The following ANKRD13B variants were observed in gnomAD, a reference collection of about 807,000 sequenced individuals.
ANKRD13B encodes ankyrin repeat domain-containing protein 13B.
In ANKRD13B, 33 loss-of-function variants were observed where a neutral mutation model predicts 74.4. The ratio of observed to expected loss-of-function variants is 0.44; its 90% CI spans 0.34 to 0.59. The LOEUF is 0.59. Ranked by LOEUF, ANKRD13B falls within the 20% of genes least tolerant of loss-of-function variation. ANKRD13B has a pLI of 0.02. For missense variants in ANKRD13B, 676 were observed against 877.9 expected (o/e 0.77, Z 2.91); for synonymous variants, 341 against 362.9 (o/e 0.94, Z 0.68).
Position 29,608,106 on chromosome 17 carries a change from G to T in ANKRD13B, c.371G>T (p.Arg124Leu). Residue 124 changes from arginine (R) to leucine (L), a missense_variant, in exon 3 of 15, where the codon CGC (arginine) becomes CTC (leucine). Arg to Leu is a moderately radical substitution (Grantham distance 102, BLOSUM62 -2). Around this residue, in one of 4 missense-constraint regions of ANKRD13B, gnomAD observed 328 missense variants for 518.4 expected, o/e 0.63. Transcript: ENST00000394859. The surrounding 1 kb of genome is among the most constrained non-coding windows in gnomAD (Gnocchi z 6.4). ...AGIPVLLEKL[R>L]KAQDFYVEMK... ...ATCCCCGTGCTCCTGGAGAAGCTGC[G>T]CAAGGTGAGGCCCAGCCTCTCAGCC... 6.2e-7 allele frequency: 1 copy of T among 1,613,110 alleles called. No homozygotes were observed. The highest frequency in any genetic ancestry group is 1.1e-5 in the South Asian group (1 of 91,024).
intron 1 of ANKRD13B, among the ~76,000 whole-genome samples, chr17:29,595,926 A>C (rs1181182233): frequency 2.0e-5 from 3 of 151,894 alleles, no homozygotes; most frequent in African/African-American, 4.8e-5. Flanking sequence ...TACACTGCCT[A>C]CTCCCCAGGG....
Position 29,609,262 on chromosome 17 carries a change from A to G in ANKRD13B, c.742A>G (p.Ile248Val), listed in dbSNP as rs1161803579. The G allele has an allele frequency of 6.2e-7, 1 of 1,612,948 alleles. No homozygotes were observed. The highest frequency in any genetic ancestry group is 1.7e-5 in the Admixed American group (1 of 60,000). ...CACCACTCAGCTTGACACCAAGAAT[A>G]TCTCCTTTGAGAGGTGGGTGGACAT... ...VVTTQLDTKN[I>V]SFERNKTGIL... is the part of the protein sequence containing the mutation. Residue 248 changes from isoleucine to valine, a missense_variant, in exon 6 of 15, where the codon ATC (isoleucine) becomes GTC (valine). By Grantham distance (29) the Ile-to-Val change is conservative. Around this residue, in one of 4 missense-constraint regions of ANKRD13B, gnomAD observed 328 missense variants for 518.4 expected, o/e 0.63. Transcript: ENST00000394859. This position sits in a 1 kb window ranked among gnomAD's most constrained non-coding sequence, Gnocchi z 4.0.
intron 1 of ANKRD13B, among the ~76,000 whole-genome samples, chr17:29,605,415 A>ACACAC (rs1567789763): frequency 6.7e-6 from 1 of 149,512 alleles, no homozygotes. Flanking sequence ...TACACACACA[A>ACACAC]ACACACACAC....
In ANKRD13B at chr17:29,613,530, A is replaced by G. The variant is rs965673973; in HGVS notation, c.1829A>G (p.Gln610Arg). The G allele has an allele frequency of 6.6e-6, 10 of 1,519,132 alleles. No individual in the cohort carries two copies. Among genetic ancestry groups the G allele is most frequent in the African/African-American group, 4.3e-5 (3 of 70,102 alleles). The allele number at this position is 1,519,132 out of a possible 1,614,324, so 94.1% of individuals were successfully genotyped here. The change falls in exon 15 of 15, where the codon CAG becomes CGG. Residue 610 changes from glutamine (Q) to arginine (R), a missense_variant. Coordinates refer to ENST00000394859, the MANE Select transcript of ANKRD13B (RefSeq NM_152345.5). ...EQEERRRRARQEEEELERILR... is the reference protein window; with the variant it reads ...EQEERRRRARREEEELERILR... Reference sequence around the variant, plus strand: ...GAGGAGAGGCGGCGGCGCGCGCGCCAGGAGGAGGAGGAGCTGGAGCGCATC... The same window carrying G: ...GAGGAGAGGCGGCGGCGCGCGCGCCGGGAGGAGGAGGAGCTGGAGCGCATC...
rs2034701300 is a variant in ANKRD13B at position 29,613,779 on chromosome 17, G to A, written c.*197G>A. On this transcript the variant is annotated 3_prime_UTR_variant, in exon 15 of 15. Coordinates refer to ENST00000394859, the MANE Select transcript of ANKRD13B (RefSeq NM_152345.5). The stretch of plus-strand genomic sequence containing the variant: ...GGTACCTTCCCAGGCCAGGGCCCTG[G>A]AGGCAACTGGCACGGCCTGGTCCCC... 1.2e-6 allele frequency: 1 copy of A among 832,452 alleles called. No individual in the cohort carries two copies. The highest frequency in any genetic ancestry group is 1.7e-6 in the Non-Finnish European group (1 of 581,040). 51.6% of individuals were successfully genotyped at this position (832,452 alleles called of 1,614,324 possible).
In ANKRD13B at chr17:29,612,342, G is replaced by GGGCTGA; in HGVS notation, c.1259-51_1259-46dup. ...CCGGGGTTTAGATGAGGTCGGGGTGGGGCTGAGGCTGAGGTGTGAGGGGCT... is the reference window on the plus strand; with the variant it reads ...CCGGGGTTTAGATGAGGTCGGGGTGGGGCTGAGGCTGAGGCTGAGGTGTGAGGGGCT... On this transcript the variant is annotated intron_variant, in intron 11 of 14. Coordinates refer to ENST00000394859, the MANE Select transcript of ANKRD13B (RefSeq NM_152345.5). This position sits in a 1 kb window ranked among gnomAD's most constrained non-coding sequence, Gnocchi z 6.1. 6.2e-7 allele frequency: 1 copy of GGGCTGA among 1,610,510 alleles called. No homozygotes were observed.
At chr17:29,598,541 T>C (rs2034040994) in intron 1 of ANKRD13B, among the ~76,000 whole-genome samples, 1 of 149,528 alleles carries the variant, frequency 6.7e-6, no homozygotes, top group Non-Finnish European at 1.5e-5. Context: ...TCTCTTTCTT[T>C]CTTCTTCTTT....
At position 29,612,495 on chromosome 17, in the gene ANKRD13B, G is replaced by GC. The variant is rs2034619044; in HGVS notation, c.1353dup (p.Ser452GlnfsTer67). The GC allele has an allele frequency of 6.3e-7, 1 of 1,585,468 alleles. No individual in the cohort carries two copies. Among genetic ancestry groups the GC allele is most frequent in the African/African-American group, 1.3e-5 (1 of 74,292 alleles). On this transcript the variant is annotated frameshift_variant, in exon 12 of 15. Coordinates refer to ENST00000394859, the MANE Select transcript of ANKRD13B (RefSeq NM_152345.5). LOFTEE classifies it high-confidence loss of function. The surrounding 1 kb of genome is among the most constrained non-coding windows in gnomAD (Gnocchi z 6.1). The stretch of plus-strand genomic sequence containing the variant: ...GTGCCATCGGTGCGAGGCAGCCCCA[G>GC]CAGCGAGACGCCTTCCCCAGGCAGC...
rs558444029 is a variant in ANKRD13B at position 29,613,492 on chromosome 17, G to A, written c.1791G>A (p.Ser597=). ...DEQLRLAMEL[S]AQEQEERRRR... is the part of the protein sequence containing the mutation. The stretch of plus-strand genomic sequence containing the variant: ...AGCTGCGGCTGGCGATGGAACTGTC[G>A]GCGCAGGAGCAGGAGGAGAGGCGGC... Residue 597 remains serine, a synonymous_variant, in exon 15 of 15, where the codon TCG becomes TCA. Transcript: ENST00000394859. The A allele has an allele frequency of 9.1e-6, 14 of 1,532,140 alleles. No individual in the cohort carries two copies. The highest frequency in any genetic ancestry group is 1.2e-5 in the Non-Finnish European group (14 of 1,141,414). 94.9% of individuals were successfully genotyped at this position (1,532,140 alleles called of 1,614,324 possible). A position where few individuals can be genotyped will look rare whatever the true frequency, so the allele number is the denominator to read the frequency against.
chr17:29,606,718 C>G (rs2034390966), intron 1 of ANKRD13B, among the ~76,000 whole-genome samples: 1 of 121,658 alleles, frequency 8.2e-6, no homozygotes. Flanking sequence ...TAGTGAGACC[C>G]TGTCTCAAGT....
rs867319835 is a variant in ANKRD13B, at chr17:29,612,521, G to A, written c.1378G>A (p.Asp460Asn). 2.6e-6 allele frequency: 4 copies of A among 1,555,154 alleles called. No homozygotes were observed. The highest frequency in any genetic ancestry group is 1.4e-5 in the African/African-American group (1 of 72,476). ...CAGCGAGACGCCTTCCCCAGGCAGC[G>A]ACTCCTCCAGCGTCAGCAGCTCCAG... ...PSSETPSPGS[D>N]SSSVSSSSST... is the part of the protein sequence containing the mutation. The change falls in exon 12 of 15, where the codon GAC becomes AAC. Residue 460 changes from aspartate (D) to asparagine (N), a missense_variant. This residue lies in a region of ANKRD13B where 152 missense variants were observed against 181.4 expected (regional missense o/e 0.84). Transcript: ENST00000394859. This position sits in a 1 kb window ranked among gnomAD's most constrained non-coding sequence, Gnocchi z 6.1.
chr17:29,608,229 T>TC lies in ANKRD13B; in HGVS notation c.411dup (p.Thr138HisfsTer2), dbSNP rs2034457959. On this transcript the variant is annotated frameshift_variant, in exon 4 of 15. Coordinates refer to ENST00000394859, the MANE Select transcript of ANKRD13B (RefSeq NM_152345.5). LOFTEE classifies it high-confidence loss of function. This position sits in a 1 kb window ranked among gnomAD's most constrained non-coding sequence, Gnocchi z 6.4. ...TTCTACGTGGAGATGAAATGGGAGT[T>TC]CACTAGCTGGGGTAAGCGGGCTGCA... The TC allele has an allele frequency of 6.2e-7, 1 of 1,614,008 alleles. No individual in the cohort carries two copies. The highest frequency in any genetic ancestry group is 8.5e-7 in the Non-Finnish European group (1 of 1,180,028).
Position 29,611,550 on chromosome 17 carries a change from T to C in ANKRD13B, c.905-29T>C, listed in dbSNP as rs2034580080. ...TGCCCAGGTGTGTGTGGAGTTGCGG[T>C]GTCCTCTGAGATGCCACATTTCTTG... On this transcript the variant is annotated intron_variant, in intron 8 of 14. Transcript: ENST00000394859. This position sits in a 1 kb window ranked among gnomAD's most constrained non-coding sequence, Gnocchi z 4.3. The C allele has an allele frequency of 6.2e-7, 1 of 1,610,984 alleles. No homozygotes were observed. The highest frequency in any genetic ancestry group is 8.5e-7 in the Non-Finnish European group (1 of 1,177,268).
rs1283312742 is a variant in ANKRD13B at position 29,598,548 on chromosome 17, C to CT, written c.114+4821dup. 4.2e-5 allele frequency among the ~76,000 whole-genome samples: 5 copies of CT among 118,422 alleles called. No individual in the cohort carries two copies. In the East Asian group the frequency reaches 8.5e-4, roughly 20 times the overall value. 77.7% of individuals were successfully genotyped at this position (118,422 alleles called of 152,430 possible). On this transcript the variant is annotated intron_variant, in intron 1 of 14. Transcript: ENST00000394859. The stretch of plus-strand genomic sequence containing the variant: ...CCTCCCTTTCTCTTTCTTTCTTCTT[C>CT]TTTTTTTTCTTTTTTCATGAGACAG...
chr17:29,599,232 G>A (rs944819106), intron 1 of ANKRD13B, among the ~76,000 whole-genome samples: 5 of 152,230 alleles, frequency 3.3e-5, no homozygotes, highest in African/African-American at 1.2e-4. Context: ...TGGAGCAAAT[G>A]AGTTCAAAGA....
chr17:29,602,563 C>A (rs1598604536), intron 1 of ANKRD13B, among the ~76,000 whole-genome samples: 1 of 152,138 alleles, frequency 6.6e-6, no homozygotes, highest in Non-Finnish European at 1.5e-5. Context: ...GGCTGCAGAA[C>A]TCTAGTCTCT....
At chr17:29,595,019 C>G (rs1176981653) in intron 1 of ANKRD13B, among the ~76,000 whole-genome samples, 2 of 152,226 alleles carry the variant, frequency 1.3e-5, no homozygotes, top group Admixed American at 6.5e-5. Context: ...GGCCTCTGGG[C>G]CGGTCTGGGT....
In ANKRD13B at chr17:29,593,493, C is replaced by A; in HGVS notation, c.-129C>A. The A allele has an allele frequency of 4.3e-6, 1 of 232,090 alleles. No homozygotes were observed. Among genetic ancestry groups the A allele is most frequent in the South Asian group, 1.4e-4 (1 of 6,952 alleles). The allele number at this position is 232,090 out of a possible 1,614,324, so 14.4% of individuals were successfully genotyped here. Reference sequence around the variant, plus strand: ...CGCGCCGCCCCCGCCCGCCGCCGCTCGCACATGCCCGAGCCGCAGCCCCGC... The same window carrying A: ...CGCGCCGCCCCCGCCCGCCGCCGCTAGCACATGCCCGAGCCGCAGCCCCGC... On this transcript the variant is annotated 5_prime_UTR_variant, in exon 1 of 15. Coordinates refer to ENST00000394859, the MANE Select transcript of ANKRD13B (RefSeq NM_152345.5).
chr17:29,596,917 T>A (rs1447114457), intron 1 of ANKRD13B, among the ~76,000 whole-genome samples: 1 of 152,122 alleles, frequency 6.6e-6, no homozygotes, highest in African/African-American at 2.4e-5. Flanking sequence ...AGGGGTGACA[T>A]GGAGGGAGAA....
Sources: allele counts gnomAD v4.1 joint callset (sites outside exome capture counted in the v4.1 genomes callset), GRCh38; gene constraint gnomAD v4.1.1; regional missense constraint gnomAD v4.1.1; non-coding constraint Gnocchi (gnomAD v3.1); transcripts MANE v1.5; gene names NCBI Gene and HGNC (gene_info 2026-07-23, HGNC 2026-07-21).